Variants in TTC39B observed in about 807,000 individuals in gnomAD.
TTC39B encodes the protein tetratricopeptide repeat protein 39B.
Under a neutral mutation model 96.6 loss-of-function variants are expected in TTC39B, and 92 were observed. The ratio of observed to expected loss-of-function variants is 0.95; its 90% CI spans 0.80 to 1.13. The LOEUF (loss-of-function observed/expected upper bound fraction) is 1.13. Ranked by LOEUF, TTC39B falls within the 50% of genes most tolerant of loss-of-function variation. The pLI is 0.00. For synonymous variants in TTC39B, 367 were observed against 299.4 expected (o/e 1.23, Z -2.33); for missense variants, 955 against 809.3 (o/e 1.18, Z -2.18).
In TTC39B at chr9:15,290,096, TG is replaced by T. The variant is rs899444177; in HGVS notation, c.240+16987del. 1.4e-4 allele frequency among the ~76,000 whole-genome samples: 22 copies of T among 152,254 alleles called. 1 individual carries two copies. Among genetic ancestry groups the T allele is most frequent in the Non-Finnish European group, 2.6e-4 (18 of 68,046 alleles). On this transcript the variant is annotated intron_variant, in intron 1 of 19. Transcript: ENST00000512701. ...TCTGGGAAACTTTACTTTCTCCTGG[TG>T]ATTTTTAATTTTTTAATTATTTTAA...
At chr9:15,203,797 C>T (rs538415674) in intron 7 of TTC39B, 26 bp downstream of exon 7, 23 of 1,596,694 alleles carry the variant, frequency 1.4e-5, no homozygotes, top group East Asian at 9.0e-5. Flanking sequence ...CCAGCCAATA[C>T]GAATTCCAAG....
intron 2 of TTC39B, among the ~76,000 whole-genome samples, chr9:15,256,748 C>T (rs1423977004): frequency 6.6e-6 from 1 of 152,150 alleles, no homozygotes; most frequent in Admixed American, 6.5e-5. Flanking sequence ...GGCAAACACG[C>T]TCCAATCCGG....
At chr9:15,307,121 G>A in exon 1 of TTC39B, 2 of 1,610,024 alleles carry the variant, frequency 1.2e-6, no homozygotes, top group Non-Finnish European at 1.7e-6. Context: ...GCCTAAGAGC[G>A]CCATATTCCT....
At chr9:15,210,359 G>T (rs548453054) in intron 5 of TTC39B, among the ~76,000 whole-genome samples, 195 bp from the exon 6 acceptor site, 4 of 152,304 alleles carry the variant, frequency 2.6e-5, no homozygotes, top group African/African-American at 9.6e-5. Flanking sequence ...CCATTTGTGG[G>T]AACTCAGTCT....
chr9:15,184,902 T>C (rs1230031811), intron 16 of TTC39B, among the ~76,000 whole-genome samples: 1 of 152,244 alleles, frequency 6.6e-6, no homozygotes, highest in Non-Finnish European at 1.5e-5. Context: ...TTTTTTAATG[T>C]GGCTATTAGA....
chr9:15,169,183 T>C (rs1433588832), exon 20 of TTC39B: 1 of 152,214 alleles, frequency 6.6e-6, no homozygotes, highest in East Asian at 1.9e-4. Context: ...TTCAGCTTCC[T>C]ACAGCCTTTA....
At chr9:15,167,645 G>T (rs1334658192) in exon 20 of TTC39B, 1 of 152,238 alleles carries the variant, frequency 6.6e-6, no homozygotes, top group South Asian at 2.1e-4. Flanking sequence ...CCAGCTACTT[G>T]GGAGGCTGAG....
intron 19 of TTC39B, among the ~76,000 whole-genome samples, chr9:15,174,563 T>A (rs1258269551): frequency 6.6e-6 from 1 of 152,156 alleles, no homozygotes; most frequent in Non-Finnish European, 1.5e-5. Context: ...AAATAATAGG[T>A]ATGGCTGAAT....
At chr9:15,199,627 C>T (rs1189565460) in intron 8 of TTC39B, among the ~76,000 whole-genome samples, 1 of 146,020 alleles carries the variant, frequency 6.8e-6, no homozygotes, top group Non-Finnish European at 1.5e-5. Flanking sequence ...CCCAGCTACT[C>T]GGGAGGATGA....
chr9:15,237,223 G>A (rs1821823972), intron 2 of TTC39B, among the ~76,000 whole-genome samples: 1 of 152,302 alleles, frequency 6.6e-6, no homozygotes, highest in South Asian at 2.1e-4. Flanking sequence ...GCTGAGGCAG[G>A]AGAATTACTT....
intron 1 of TTC39B, among the ~76,000 whole-genome samples, chr9:15,288,055 C>T (rs1035624524): frequency 5.3e-5 from 8 of 151,932 alleles, no homozygotes; most frequent in East Asian, 1.9e-4. Context: ...TTATGGAACC[C>T]GACACCTTAA....
rs1015270572 is a variant in TTC39B, at chr9:15,306,730, A to C, written c.240+354T>G. Among the ~76,000 whole-genome samples, 2 of 152,170 alleles carry C rather than the reference A, an allele frequency of 1.3e-5. No homozygotes were observed. Among genetic ancestry groups the C allele is most frequent in the Non-Finnish European group, 2.9e-5 (2 of 68,026 alleles). ...AGGACTTCAGGGTCAGACTTCGTAA[A>C]GCCCAGGCGTCGCTGGGCCGGCCCG... On this transcript the variant is annotated intron_variant, in intron 1 of 19. Coordinates refer to ENST00000512701, the Ensembl canonical transcript of TTC39B. This position sits in a 1 kb window ranked among gnomAD's most constrained non-coding sequence, Gnocchi z 5.1.
chr9:15,265,095 C>G (rs1320045728), intron 2 of TTC39B, among the ~76,000 whole-genome samples: 1 of 152,126 alleles, frequency 6.6e-6, no homozygotes, highest in African/African-American at 2.4e-5. Context: ...GAATAGTGGG[C>G]TAGCAATTTT....
chr9:15,226,639 T>C (rs867427469), intron 2 of TTC39B, among the ~76,000 whole-genome samples: 6 of 152,196 alleles, frequency 3.9e-5, no homozygotes, highest in African/African-American at 1.4e-4. Flanking sequence ...TTTTGTAAAG[T>C]ACTTTATTTT....
chr9:15,286,074 A>C (rs1823965671), intron 1 of TTC39B, among the ~76,000 whole-genome samples: 1 of 152,182 alleles, frequency 6.6e-6, no homozygotes, highest in South Asian at 2.1e-4. Context: ...ACTTCAGTGC[A>C]TGTTTCCTAA....
At chr9:15,269,558 AAAAAGAAGAACCTGGCC>A (rs1823259162) in intron 1 of TTC39B, among the ~76,000 whole-genome samples, 1 of 152,190 alleles carries the variant, frequency 6.6e-6, no homozygotes, top group South Asian at 2.1e-4. Context: ...TGTAAATACT[AAAAAGAAGAACCTGGCC>A]AGGCGCAGTG....
At chr9:15,268,497 C>T (rs1385007560) in intron 1 of TTC39B, among the ~76,000 whole-genome samples, 1 of 152,090 alleles carries the variant, frequency 6.6e-6, no homozygotes, top group Non-Finnish European at 1.5e-5. Flanking sequence ...CAGTCATATG[C>T]ACTCAGAAGA....
intron 4 of TTC39B, among the ~76,000 whole-genome samples, chr9:15,213,306 T>G (rs1348980568): frequency 6.6e-6 from 1 of 152,166 alleles, no homozygotes; most frequent in African/African-American, 2.4e-5. Flanking sequence ...AAGACAACAC[T>G]GGAAAATTTC....
At chr9:15,193,814 A>G (rs192840794) in intron 8 of TTC39B, among the ~76,000 whole-genome samples, 1 of 152,374 alleles carries the variant, frequency 6.6e-6, no homozygotes, top group African/African-American at 2.4e-5. Flanking sequence ...ATGAAGAAAC[A>G]TTAGAAAAGT....
Sources: gnomAD v4.1 joint callset for allele counts (sites outside exome capture counted in the v4.1 genomes callset) on GRCh38, gnomAD v4.1.1 for gene constraint, Gnocchi (gnomAD v3.1) non-coding constraint, MANE v1.5 for transcripts, NCBI Gene and HGNC (gene_info 2026-07-23, HGNC 2026-07-21) for gene names.